MAPRE1: variants seen among roughly 807,000 people sequenced by gnomAD.
The protein encoded by MAPRE1 is microtubule associated protein RP/EB family member 1.
In MAPRE1, 5 loss-of-function variants were observed where a neutral mutation model predicts 32.1. That is an observed-to-expected ratio of 0.16 (90% confidence interval 0.08 to 0.33). The LOEUF is 0.33. Ranked by LOEUF, MAPRE1 falls within the 10% of genes least tolerant of loss-of-function variation. The pLI, the probability that MAPRE1 is intolerant of heterozygous loss-of-function variation, is 1.00. For missense variants in MAPRE1, 209 were observed against 327.2 expected (o/e 0.64, Z 2.79); for synonymous variants, 122 against 118.9 (o/e 1.03, Z -0.17).
intron 4 of MAPRE1, among the ~76,000 whole-genome samples, chr20:32,838,914 G>C (rs1278171208): frequency 6.6e-6 from 1 of 152,158 alleles, no homozygotes; most frequent in Non-Finnish European, 1.5e-5. Context: ...TTGCTAAGTA[G>C]GTGAATCATC....
intron 6 of MAPRE1, among the ~76,000 whole-genome samples, chr20:32,847,482 T>C (rs1983535783): frequency 6.6e-6 from 1 of 152,236 alleles, no homozygotes; most frequent in South Asian, 2.1e-4. Context: ...ACTATGCAAA[T>C]ACAAGGTAGT....
chr20:32,825,702 G>T (rs1030092383), intron 1 of MAPRE1, among the ~76,000 whole-genome samples: 1 of 152,020 alleles, frequency 6.6e-6, no homozygotes, highest in Non-Finnish European at 1.5e-5. Flanking sequence ...GGCTGAGGCA[G>T]GAGAATTACT....
At position 32,849,261 on chromosome 20, in the gene MAPRE1, T is replaced by TA. The variant is rs985331718; in HGVS notation, c.*534dup. Reference sequence around the variant, plus strand: ...TTTGGAACCTGCTGTCAACAGGTCTTACAGGGCTGCTTGAACCCTCATAGG... The same window carrying TA: ...TTTGGAACCTGCTGTCAACAGGTCTTAACAGGGCTGCTTGAACCCTCATAGG... On this transcript the variant is annotated 3_prime_UTR_variant, in exon 7 of 7. Transcript: ENST00000375571. 4.6e-5 allele frequency: 7 copies of TA among 152,562 alleles called. No homozygotes were observed. The highest frequency in any genetic ancestry group is 1.2e-4 in the African/African-American group (5 of 41,430). 9.5% of individuals were successfully genotyped at this position (152,562 alleles called of 1,614,324 possible).
Position 32,839,841 on chromosome 20 carries a change from T to A in MAPRE1, c.582T>A (p.Ala194=), listed in dbSNP as rs373058771. The A allele has an allele frequency of 1.2e-6, 2 of 1,614,126 alleles. No individual in the cohort carries two copies. The highest frequency in any genetic ancestry group is 2.7e-5 in the African/African-American group (2 of 75,036). The change falls in exon 5 of 7, where the codon GCT becomes GCA. Residue 194 remains alanine, a synonymous_variant. Coordinates refer to ENST00000375571, the MANE Select transcript of MAPRE1 (RefSeq NM_012325.3). ...TGGGCAACGGAGACGACGAGGCAGC[T>A]GAGTTGATGCAGCAGGTGGGCACCC... ...PGVGNGDDEA[A]ELMQQVNVLK...
At chr20:32,823,315 C>T (rs1363064988) in intron 1 of MAPRE1, among the ~76,000 whole-genome samples, 1 of 152,144 alleles carries the variant, frequency 6.6e-6, no homozygotes, top group Non-Finnish European at 1.5e-5. Flanking sequence ...AACGAAGTAC[C>T]GTAAGAGAGC....
intron 1 of MAPRE1, among the ~76,000 whole-genome samples, chr20:32,825,622 C>T (rs1208177239): frequency 6.6e-6 from 1 of 151,988 alleles, no homozygotes; most frequent in Non-Finnish European, 1.5e-5. Flanking sequence ...TGGTGAAACC[C>T]CATCTCTACT....
Position 32,833,707 on chromosome 20 carries a change from G to T in MAPRE1, c.122-10G>T. On this transcript the variant is annotated splice_polypyrimidine_tract_variant and intron_variant, in intron 2 of 6. Transcript: ENST00000375571. ...TTAATTGTATTTTTCTGTTGCCGTT[G>T]TTCTTTCAGGGGCTGCGTATTGTCA... 2.5e-6 allele frequency: 4 copies of T among 1,604,102 alleles called. No individual in the cohort carries two copies. The highest frequency in any genetic ancestry group is 3.4e-6 in the Non-Finnish European group (4 of 1,174,462).
Position 32,846,641 on chromosome 20 carries a change from T to C in MAPRE1, c.621T>C (p.Val207=), listed in dbSNP as rs202221243. The C allele has an allele frequency of 1.5e-5, 24 of 1,614,020 alleles. No individual in the cohort carries two copies. The highest frequency in any genetic ancestry group is 1.9e-5 in the Non-Finnish European group (23 of 1,179,998). ...AGGTCAACGTATTGAAACTTACTGT[T>C]GAAGACTTGGAGAAAGAGAGGGATT... is the stretch of plus-strand genomic sequence containing the variant. ...MQQVNVLKLT[V]EDLEKERDFY... is the part of the protein sequence containing the mutation. The change falls in exon 6 of 7, where the codon GTT becomes GTC. Residue 207 remains valine (V), a synonymous_variant. Coordinates refer to ENST00000375571, the MANE Select transcript of MAPRE1 (RefSeq NM_012325.3).
intron 2 of MAPRE1, among the ~76,000 whole-genome samples, chr20:32,832,858 C>A (rs1226194221): frequency 8.9e-6 from 1 of 112,834 alleles, no homozygotes; most frequent in African/African-American, 3.5e-5. Context: ...CTGAGAGAAT[C>A]GCTTGAACTC....
intron 2 of MAPRE1, among the ~76,000 whole-genome samples, chr20:32,831,279 A>T (rs990026230): frequency 1.3e-5 from 2 of 152,118 alleles, no homozygotes; most frequent in Non-Finnish European, 2.9e-5. Flanking sequence ...CCTTGTCTCT[A>T]AAAAAGAAAA....
chr20:32,842,306 C>T (rs1028230485), intron 5 of MAPRE1, among the ~76,000 whole-genome samples: 2 of 152,250 alleles, frequency 1.3e-5, no homozygotes, highest in East Asian at 1.9e-4. Flanking sequence ...AGGATGGTCT[C>T]GATCTTCTGG....
chr20:32,837,951 T>C (rs1983246379), intron 4 of MAPRE1, among the ~76,000 whole-genome samples: 1 of 152,068 alleles, frequency 6.6e-6, no homozygotes, highest in Non-Finnish European at 1.5e-5. Flanking sequence ...GGCATGGTGG[T>C]GCATGCCTGT....
At chr20:32,836,589 C>A in intron 3 of MAPRE1, 45 bp from the exon 4 acceptor site, 1 of 1,196,602 alleles carries the variant, frequency 8.4e-7, no homozygotes, top group Non-Finnish European at 1.2e-6. Context: ...TTGATGCTTG[C>A]CAAAAGCCTC....
intron 1 of MAPRE1, among the ~76,000 whole-genome samples, chr20:32,824,528 G>A (rs1374833882): frequency 6.6e-6 from 1 of 152,170 alleles, no homozygotes; most frequent in African/African-American, 2.4e-5. Flanking sequence ...GAAGTATCTG[G>A]CACTTAGGCC....
At position 32,849,009 on chromosome 20, in the gene MAPRE1, G is replaced by T; in HGVS notation, c.*281G>T. On this transcript the variant is annotated 3_prime_UTR_variant, in exon 7 of 7. Coordinates refer to ENST00000375571, the MANE Select transcript of MAPRE1 (RefSeq NM_012325.3). ...TCACCATGCGGATGCGGGTCACACTGAATGCTGGAGAGATGTTATGTAATA... is the reference window on the plus strand; with the variant it reads ...TCACCATGCGGATGCGGGTCACACTTAATGCTGGAGAGATGTTATGTAATA... 1 of 282,186 alleles carries T rather than the reference G, an allele frequency of 3.5e-6. No homozygotes were observed. The highest frequency in any genetic ancestry group is 6.6e-6 in the Non-Finnish European group (1 of 150,884). 17.5% of individuals were successfully genotyped at this position (282,186 alleles called of 1,614,324 possible).
At chr20:32,828,663 C>T (rs1435932063) in intron 2 of MAPRE1, among the ~76,000 whole-genome samples, 1 of 152,202 alleles carries the variant, frequency 6.6e-6, no homozygotes, top group African/African-American at 2.4e-5. Flanking sequence ...GACTGTGTGC[C>T]AGACCCTGGA....
intron 2 of MAPRE1, among the ~76,000 whole-genome samples, chr20:32,828,050 C>G (rs764679383): frequency 4.7e-5 from 7 of 150,478 alleles, no homozygotes; most frequent in Non-Finnish European, 7.4e-5. Context: ...TGTATTTAAT[C>G]TTGGTTTTAC....
intron 6 of MAPRE1, 78 bp downstream of exon 6, chr20:32,846,848 A>G (rs1436416943): frequency 5.5e-6 from 8 of 1,462,494 alleles, no homozygotes; most frequent in Middle Eastern, 1.7e-4. Context: ...TGCTTGTTGT[A>G]TTCCAGTGTT....
chr20:32,843,893 A>G (rs1016565470), intron 5 of MAPRE1, among the ~76,000 whole-genome samples: 1 of 149,584 alleles, frequency 6.7e-6, no homozygotes, highest in Non-Finnish European at 1.5e-5. Flanking sequence ...TTGCTCTGTC[A>G]CACAGGCTGG....
Sources: gnomAD v4.1 joint callset for allele counts (sites outside exome capture counted in the v4.1 genomes callset) on GRCh38, gnomAD v4.1.1 for gene constraint, MANE v1.5 for transcripts, NCBI Gene and HGNC (gene_info 2026-07-23, HGNC 2026-07-21) for gene names.